FHIP1A: variants seen among roughly 807,000 people sequenced by gnomAD.
The protein encoded by FHIP1A is FHF complex subunit HOOK-interacting protein 1A.
FHIP1A carries 61 observed loss-of-function variants against 88.6 expected under a neutral mutation model. The ratio of observed to expected loss-of-function variants is 0.69; its 90% CI spans 0.56 to 0.85. The LOEUF (loss-of-function observed/expected upper bound fraction) is 0.85, where lower values mean the gene tolerates loss of function less well. FHIP1A is among the 40% of genes least tolerant of loss of function. FHIP1A has a pLI of 0.00. For missense variants in FHIP1A, 1,154 were observed against 1,273.5 expected (o/e 0.91, Z 1.43); for synonymous variants, 478 against 496.0 (o/e 0.96, Z 0.48).
chr4:151,512,155 A>G (rs1448178724), intron 3 of FHIP1A, among the ~76,000 whole-genome samples: 2 of 152,152 alleles, frequency 1.3e-5, no homozygotes, highest in Non-Finnish European at 2.9e-5. Context: ...TGCAGCCACC[A>G]CTGCTGGTAC....
chr4:151,428,030 T>C (rs895986650), intron 1 of FHIP1A, among the ~76,000 whole-genome samples: 4 of 152,148 alleles, frequency 2.6e-5, no homozygotes, highest in African/African-American at 7.2e-5. Context: ...ATCAAGATAG[T>C]GGTTTGTATT....
chr4:151,648,802 A>G (rs1736888191), intron 10 of FHIP1A, among the ~76,000 whole-genome samples: 1 of 151,794 alleles, frequency 6.6e-6, no homozygotes, highest in African/African-American at 2.4e-5. Flanking sequence ...GAAAATGTAA[A>G]CTCATAGGAA....
At chr4:151,551,959 A>G (rs568947926) in intron 3 of FHIP1A, among the ~76,000 whole-genome samples, 3 of 152,364 alleles carry the variant, frequency 2.0e-5, no homozygotes, top group South Asian at 2.1e-4. Flanking sequence ...TCCAGAATCT[A>G]CAAAGAACTC....
At chr4:151,465,857 AT>A (rs1207441223) in intron 2 of FHIP1A, among the ~76,000 whole-genome samples, 3 of 152,234 alleles carry the variant, frequency 2.0e-5, no homozygotes, top group African/African-American at 4.8e-5. Context: ...TAAACTAGGT[AT>A]TGGTGGAACA....
intron 7 of FHIP1A, among the ~76,000 whole-genome samples, chr4:151,597,006 C>T (rs1734672652): frequency 6.6e-6 from 1 of 152,098 alleles, no homozygotes; most frequent in Non-Finnish European, 1.5e-5. Context: ...TTATTACCCA[C>T]CTTCTGAAGC....
In FHIP1A at chr4:151,666,108, G is replaced by A. The variant is rs1253032584; in HGVS notation, c.*3354G>A. ...GTGGTTCAAAATATATGAGAGCACTGGGATATTTAAAATTGATTTTTTGGA... is the reference window on the plus strand; with the variant it reads ...GTGGTTCAAAATATATGAGAGCACTAGGATATTTAAAATTGATTTTTTGGA... On this transcript the variant is annotated 3_prime_UTR_variant, in exon 14 of 14. Coordinates refer to ENST00000435205, the MANE Select transcript of FHIP1A (RefSeq NM_001109977.3). 6.6e-6 allele frequency among the ~76,000 whole-genome samples: 1 copy of A among 152,172 alleles called. No homozygotes were observed. Among genetic ancestry groups the A allele is most frequent in the Non-Finnish European group, 1.5e-5 (1 of 68,038 alleles).
chr4:151,505,005 C>T (rs375064638), intron 3 of FHIP1A, among the ~76,000 whole-genome samples: 13 of 152,134 alleles, frequency 8.5e-5, no homozygotes, highest in Middle Eastern at 3.2e-3. Context: ...CATTACCCCC[C>T]GACCCAGTCT....
In FHIP1A at chr4:151,443,008, T is replaced by C. The variant is rs182480555; in HGVS notation, c.-355-11693T>C. Among the ~76,000 whole-genome samples, 115 of 152,274 alleles carry C rather than the reference T, an allele frequency of 7.6e-4. 1 individual carries two copies. Among genetic ancestry groups the C allele is most frequent in the African/African-American group, 2.7e-3 (111 of 41,560 alleles). On this transcript the variant is annotated intron_variant, in intron 1 of 13. Transcript: ENST00000435205. ...GGGGTGCAGTGCATGGCTATAGCGC[T>C]GGCACTTTGGGAGGACAAGGTGGGA...
intron 7 of FHIP1A, among the ~76,000 whole-genome samples, chr4:151,593,586 A>G (rs1267188896): frequency 2.0e-5 from 3 of 152,150 alleles, no homozygotes; most frequent in Non-Finnish European, 4.4e-5. Context: ...ATGTATAGGA[A>G]TGCTCGTGAT....
At position 151,656,345 on chromosome 4, in the gene FHIP1A, C is replaced by T. The variant is rs1244729673; in HGVS notation, c.2665C>T (p.Leu889Phe). ...TCAGCTAGCCAGCTACCCCCAGCCA[C>T]TCCTGCGCTCCTTTCTGCTCAACAC... Reference protein sequence around the residue: ...ITQLASYPQPLLRSFLLNTNM... With the variant: ...ITQLASYPQPFLRSFLLNTNM... The change falls in exon 12 of 14, where the codon CTC becomes TTC. Residue 889 changes from leucine (L) to phenylalanine (F), a missense_variant. By Grantham distance (22) the Leu-to-Phe change is conservative (BLOSUM62 0). Transcript: ENST00000435205. This position sits in a 1 kb window ranked among gnomAD's most constrained non-coding sequence, Gnocchi z 4.2. 1.9e-6 allele frequency: 3 copies of T among 1,551,602 alleles called. No individual in the cohort carries two copies. Among genetic ancestry groups the T allele is most frequent in the Non-Finnish European group, 2.6e-6 (3 of 1,147,004 alleles).
intron 3 of FHIP1A, among the ~76,000 whole-genome samples, chr4:151,548,845 G>A (rs1180523597): frequency 1.3e-5 from 2 of 152,158 alleles, no homozygotes; most frequent in Admixed American, 6.6e-5. Flanking sequence ...CTTGTTCCCC[G>A]GTGCTGTAAA....
chr4:151,470,370 A>G (rs1048456150), intron 2 of FHIP1A, among the ~76,000 whole-genome samples: 2 of 152,208 alleles, frequency 1.3e-5, no homozygotes, highest in African/African-American at 4.8e-5. Flanking sequence ...ACATTTTCCA[A>G]AAGGAATATT....
chr4:151,432,558 T>C (rs1733632070), intron 1 of FHIP1A, among the ~76,000 whole-genome samples: 1 of 152,200 alleles, frequency 6.6e-6, no homozygotes, highest in African/African-American at 2.4e-5. Context: ...AGAGAGTGAC[T>C]GGGTGGCTGT....
intron 1 of FHIP1A, among the ~76,000 whole-genome samples, chr4:151,432,011 A>T (rs1018371022): frequency 1.3e-5 from 2 of 152,238 alleles, no homozygotes; most frequent in African/African-American, 2.4e-5. Context: ...TCTGTAGTAC[A>T]GCCTTTCCTC....
At chr4:151,561,300 T>C (rs2126763697) in intron 3 of FHIP1A, among the ~76,000 whole-genome samples, 1 of 152,302 alleles carries the variant, frequency 6.6e-6, no homozygotes, top group Admixed American at 6.5e-5. Context: ...GGAGTTAAAC[T>C]ATGGCAAATT....
intron 3 of FHIP1A, among the ~76,000 whole-genome samples, chr4:151,513,467 G>A (rs1405478917): frequency 1.3e-5 from 2 of 152,180 alleles, no homozygotes; most frequent in Non-Finnish European, 2.9e-5. Flanking sequence ...AACTTTAAAT[G>A]TAAATGGACT....
intron 3 of FHIP1A, among the ~76,000 whole-genome samples, chr4:151,565,565 G>A (rs1476779428): frequency 3.3e-5 from 5 of 152,018 alleles, no homozygotes; most frequent in African/African-American, 4.8e-5. Flanking sequence ...AATTCTGACA[G>A]CCATTGATTT....
At chr4:151,485,299 T>TTTTTTTTTTTTTTTTTTTTTTTA (rs1730041799) in intron 3 of FHIP1A, among the ~76,000 whole-genome samples, 1 of 140,650 alleles carries the variant, frequency 7.1e-6, no homozygotes, top group Non-Finnish European at 1.6e-5. Flanking sequence ...TTTTTTTTTT[T>TTTTTTTTTTTTTTTTTTTTTTTA]TTTGTCTGTT....
At chr4:151,581,411 GTT>G (rs1734021401) in intron 5 of FHIP1A, among the ~76,000 whole-genome samples, 1 of 152,000 alleles carries the variant, frequency 6.6e-6, no homozygotes, top group Non-Finnish European at 1.5e-5. Context: ...TTTCTATTAT[GTT>G]TTATATATTT....
Sources: allele counts gnomAD v4.1 joint callset (sites outside exome capture counted in the v4.1 genomes callset), GRCh38; gene constraint gnomAD v4.1.1; non-coding constraint Gnocchi (gnomAD v3.1); transcripts MANE v1.5; gene names NCBI Gene and HGNC (gene_info 2026-07-23, HGNC 2026-07-21).